Variants in GRIP1 observed in about 807,000 individuals in gnomAD.
GRIP1 encodes the protein glutamate receptor interacting protein 1.
In GRIP1, 45 loss-of-function variants were observed where a neutral mutation model predicts 129.9. The observed-to-expected ratio is 0.35, with a 90% CI of 0.27 to 0.44. The LOEUF (loss-of-function observed/expected upper bound fraction) is 0.44, where lower values mean the gene tolerates loss of function less well. Among genes scored for constraint, GRIP1 ranks in the 20% least tolerant of loss-of-function variants. The pLI, the probability that GRIP1 is intolerant of heterozygous loss-of-function variation, is 1.00. For synonymous variants in GRIP1, 530 were observed against 520.8 expected, an observed-to-expected ratio of 1.02 and a Z score of -0.24; for missense variants, 1,196 against 1,396.8, an observed-to-expected ratio of 0.86 and a Z score of 2.29.
chr12:66,551,364 GAA>G (rs1420602476), intron 2 of GRIP1, among the ~76,000 whole-genome samples: 1 of 152,198 alleles, frequency 6.6e-6, no homozygotes, highest in Non-Finnish European at 1.5e-5. Context: ...ATGCTGCTGA[GAA>G]AGTCCTCTAT....
chr12:66,774,118 A>G (rs1375717064), intron 1 of GRIP1, among the ~76,000 whole-genome samples: 11 of 152,192 alleles, frequency 7.2e-5, no homozygotes, highest in Non-Finnish European at 1.6e-4. Flanking sequence ...TAGTAGTAAA[A>G]GGACAAAACC....
chr12:66,926,192 T>C (rs1354937856), intron 1 of GRIP1, among the ~76,000 whole-genome samples: 1 of 152,164 alleles, frequency 6.6e-6, no homozygotes. Flanking sequence ...TTGTTTAAAA[T>C]TCTCAGTGTT....
intron 1 of GRIP1, among the ~76,000 whole-genome samples, chr12:66,780,858 G>A (rs1322673412): frequency 6.6e-6 from 1 of 152,148 alleles, no homozygotes; most frequent in Non-Finnish European, 1.5e-5. Context: ...CCCATGCAGA[G>A]AAGCCACATG....
chr12:66,455,078 A>G (rs1358375531), intron 11 of GRIP1, among the ~76,000 whole-genome samples: 2 of 152,242 alleles, frequency 1.3e-5, no homozygotes, highest in African/African-American at 2.4e-5. Flanking sequence ...GCCACCCAGA[A>G]TATAATAAAA....
At chr12:66,362,774 G>A (rs948232445) in intron 23 of GRIP1, among the ~76,000 whole-genome samples, 1 of 151,788 alleles carries the variant, frequency 6.6e-6, no homozygotes, top group Non-Finnish European at 1.5e-5. Flanking sequence ...GCGATAAGAT[G>A]TATGATCAAG....
intron 11 of GRIP1, among the ~76,000 whole-genome samples, chr12:66,449,878 T>C (rs565846576): frequency 6.6e-6 from 1 of 152,300 alleles, no homozygotes; most frequent in South Asian, 2.1e-4. Context: ...TTTCTTTGAC[T>C]CTTTTATAGG....
intron 7 of GRIP1, among the ~76,000 whole-genome samples, chr12:66,479,669 C>T (rs1020297074): frequency 2.6e-5 from 4 of 152,134 alleles, no homozygotes; most frequent in Non-Finnish European, 5.9e-5. Context: ...TGAAAATCCT[C>T]AATAAAACTC....
Position 66,473,695 on chromosome 12 carries a change from T to C in GRIP1, c.725-8273A>G, listed in dbSNP as rs142373621. 5.0e-3 allele frequency among the ~76,000 whole-genome samples: 768 copies of C among 152,326 alleles called. 8 individuals carry two copies. Among genetic ancestry groups the C allele is most frequent in the African/African-American group, 0.018 (744 of 41,578 alleles). The stretch of plus-strand genomic sequence containing the variant: ...TGGTGATATCCAGGCAAAGAGGGTC[T>C]GCAGTGGACATCCAGCAAACTCTAG... On this transcript the variant is annotated intron_variant, in intron 7 of 24. Transcript: ENST00000359742.
rs545120314 is a variant in GRIP1 at position 66,794,486 on chromosome 12, G to T, written c.-420+9567C>A. ...CCAGGGCTAACCCTTGGGAGAGTGA[G>T]CAGGGTTGTGGGAAATTTCACATGA... On this transcript the variant is annotated intron_variant, in intron 1 of 4. Transcript: ENST00000538373. 2.0e-5 allele frequency among the ~76,000 whole-genome samples: 3 copies of T among 152,292 alleles called. No homozygotes were observed. The East Asian group carries it at 5.8e-4, about 29-fold the overall frequency.
intron 1 of GRIP1, among the ~76,000 whole-genome samples, chr12:66,735,766 G>A (rs975038573): frequency 7.9e-5 from 12 of 152,200 alleles, no homozygotes; most frequent in African/African-American, 1.9e-4. Context: ...CATAAGTGGC[G>A]GGACTTCCAG....
chr12:66,852,048 C>G (rs1371386540), intron 1 of GRIP1, among the ~76,000 whole-genome samples: 1 of 151,948 alleles, frequency 6.6e-6, no homozygotes, highest in Non-Finnish European at 1.5e-5. Context: ...GATAAAATTT[C>G]AATTAAAAAA....
At chr12:66,817,983 AAGG>A (rs2039254060) in intron 1 of GRIP1, among the ~76,000 whole-genome samples, 3 of 152,318 alleles carry the variant, frequency 2.0e-5, no homozygotes, top group Admixed American at 6.5e-5. Flanking sequence ...TTGGAAAAGG[AAGG>A]AGTATTTTAA....
intron 1 of GRIP1, among the ~76,000 whole-genome samples, chr12:66,690,254 G>A (rs1010157839): frequency 6.6e-6 from 1 of 151,976 alleles, no homozygotes; most frequent in Non-Finnish European, 1.5e-5. Flanking sequence ...ATATAAGTGA[G>A]ATCATATAAT....
chr12:67,054,551 G>A (rs1181342478), intron 1 of GRIP1, among the ~76,000 whole-genome samples: 3 of 152,076 alleles, frequency 2.0e-5, no homozygotes, highest in Admixed American at 1.3e-4. Flanking sequence ...ATCATCTCAG[G>A]CCAGCAGTTC....
At chr12:66,885,289 C>T (rs1295080487) in intron 1 of GRIP1, among the ~76,000 whole-genome samples, 3 of 152,132 alleles carry the variant, frequency 2.0e-5, no homozygotes, top group Non-Finnish European at 2.9e-5. Flanking sequence ...AAGCTGCCCC[C>T]GGTGCGCTTC....
At chr12:67,068,552 A>G (rs1421641236) in intron 1 of GRIP1, among the ~76,000 whole-genome samples, 1 of 151,928 alleles carries the variant, frequency 6.6e-6, no homozygotes, top group African/African-American at 2.4e-5. Flanking sequence ...CTTCTTTATG[A>G]ATCTCCAGCA....
At chr12:67,066,888 T>TTATATATATATATATATATA (rs1555170033) in intron 1 of GRIP1, among the ~76,000 whole-genome samples, 55 of 125,614 alleles carry the variant, frequency 4.4e-4, no homozygotes, top group East Asian at 1.4e-3. Context: ...AAATATATAT[T>TTATATATATATATATATATA]TATATATATA....
At chr12:66,539,336 G>A (rs1172087021) in intron 3 of GRIP1, 113 bp from the exon 4 acceptor site, 3 of 1,398,824 alleles carry the variant, frequency 2.1e-6, no homozygotes, top group South Asian at 2.3e-5. Context: ...AAGCCTAGAA[G>A]GCTGACAGCA....
At chr12:66,800,751 T>G (rs1401894607) in intron 1 of GRIP1, among the ~76,000 whole-genome samples, 2 of 152,068 alleles carry the variant, frequency 1.3e-5, no homozygotes, top group Non-Finnish European at 2.9e-5. Flanking sequence ...CTTCACTACA[T>G]TCAAGTTTAT....
Sources: gnomAD v4.1 joint callset for allele counts (sites outside exome capture counted in the v4.1 genomes callset) on GRCh38, gnomAD v4.1.1 for gene constraint, MANE v1.5 for transcripts, NCBI Gene and HGNC (gene_info 2026-07-23, HGNC 2026-07-21) for gene names.